ALPK2: variants seen among roughly 807,000 people sequenced by gnomAD.
The protein encoded by ALPK2 is alpha-protein kinase 2.
ALPK2 carries 127 observed loss-of-function variants against 163.1 expected under a neutral mutation model. The observed-to-expected ratio is 0.78, with a 90% CI of 0.67 to 0.90. ALPK2 has a LOEUF of 0.90. Ranked by LOEUF, ALPK2 falls within the 40% of genes least tolerant of loss-of-function variation. The pLI, the probability that ALPK2 is intolerant of heterozygous loss-of-function variation, is 0.00. For synonymous variants in ALPK2, 953 were observed against 959.1 expected, an observed-to-expected ratio of 0.99 and a Z score of 0.12; for missense variants, 2,360 against 2,589.6, an observed-to-expected ratio of 0.91 and a Z score of 1.92.
rs566231793 is a variant in ALPK2, at chr18:58,611,808, C to T, written c.-11G>A. The T allele has an allele frequency of 2.2e-5, 33 of 1,511,516 alleles. No individual in the cohort carries two copies. Among genetic ancestry groups the T allele is most frequent in the East Asian group, 1.1e-4 (5 of 43,858 alleles). The allele number at this position is 1,511,516 out of a possible 1,614,324, so 93.6% of individuals were successfully genotyped here. A position where few individuals can be genotyped will look rare whatever the true frequency, so the allele number is the denominator to read the frequency against. On this transcript the variant is annotated 5_prime_UTR_variant, in exon 2 of 13. Transcript: ENST00000361673. ...TTCGGAGTCTTTCATCCTTTCATGC[C>T]GCACCAAATCTGAAAAAAAAAAAAA...
intron 10 of ALPK2, among the ~76,000 whole-genome samples, chr18:58,512,640 G>A (rs1159715621): frequency 2.0e-5 from 3 of 151,334 alleles, no homozygotes; most frequent in Non-Finnish European, 3.0e-5. Flanking sequence ...ATGTGTATAC[G>A]TATGTGTGGT....
Position 58,483,711 on chromosome 18 carries a change from C to T in ALPK2, c.6297-1672G>A, listed in dbSNP as rs961792570. Among the ~76,000 whole-genome samples the T allele has an allele frequency of 7.5e-5, 11 of 145,870 alleles. No homozygotes were observed. In the East Asian group the frequency reaches 7.8e-4, roughly 10 times the overall value. On this transcript the variant is annotated intron_variant, in intron 12 of 12. Transcript: ENST00000361673. ...GATTACAGGCATCCACCACCACACC[C>T]GGCTAATTTTTTGTATTTTTTTTTT... is the stretch of plus-strand genomic sequence containing the variant.
chr18:58,606,949 TCTC>T (rs1216221971), intron 3 of ALPK2, among the ~76,000 whole-genome samples: 3 of 152,138 alleles, frequency 2.0e-5, no homozygotes, highest in Non-Finnish European at 4.4e-5. Flanking sequence ...GTCAGCCACT[TCTC>T]CTTCTTCCTA....
intron 4 of ALPK2, among the ~76,000 whole-genome samples, chr18:58,576,541 C>T (rs2051922765): frequency 6.6e-6 from 1 of 152,068 alleles, no homozygotes; most frequent in African/African-American, 2.4e-5. Context: ...TTTTTGTGAA[C>T]AGTATTATTT....
intron 3 of ALPK2, among the ~76,000 whole-genome samples, chr18:58,594,274 A>G (rs1289765584): frequency 6.6e-6 from 1 of 152,110 alleles, no homozygotes; most frequent in Non-Finnish European, 1.5e-5. Context: ...AAGTGGGCAA[A>G]CTGATTTCAG....
At chr18:58,501,715 G>C (rs369342468) in intron 11 of ALPK2, among the ~76,000 whole-genome samples, 2 of 152,206 alleles carry the variant, frequency 1.3e-5, no homozygotes, top group African/African-American at 4.8e-5. Context: ...AGACAATCAC[G>C]GTCTCCAGGC....
chr18:58,583,318 G>A (rs187467742), intron 3 of ALPK2, among the ~76,000 whole-genome samples: 93 of 152,192 alleles, frequency 6.1e-4, no homozygotes, highest in African/African-American at 2.0e-3. Flanking sequence ...AAAGAGAGGA[G>A]GGTATAATGA....
In ALPK2 at chr18:58,578,910, G is replaced by A; in HGVS notation, c.1866C>T (p.Val622=). ...AKTLQTSTDS[V]SKEGNTNCKG... ...TGCAATTTGTGTTGCCTTCTTTGGA[G>A]ACTGAGTCTGTTGAAGTTTGAAGGG... Residue 622 remains valine, a synonymous_variant, in exon 4 of 13, where the codon GTC becomes GTT. Transcript: ENST00000361673. 6.2e-7 allele frequency: 1 copy of A among 1,614,220 alleles called. No homozygotes were observed. Among genetic ancestry groups the A allele is most frequent in the South Asian group, 1.1e-5 (1 of 91,080 alleles).
chr18:58,594,093 A>G (rs943629199), intron 3 of ALPK2, among the ~76,000 whole-genome samples: 2 of 152,096 alleles, frequency 1.3e-5, no homozygotes, highest in African/African-American at 4.8e-5. Context: ...ACTCTTGTAC[A>G]ATAGCGAACA....
At chr18:58,504,301 G>A (rs748734127) in intron 10 of ALPK2, among the ~76,000 whole-genome samples, 153 bp from the exon 11 acceptor site, 1 of 152,194 alleles carries the variant, frequency 6.6e-6, no homozygotes, top group Non-Finnish European at 1.5e-5. Flanking sequence ...TGACTTTTTA[G>A]TGGGTAAGAT....
intron 10 of ALPK2, among the ~76,000 whole-genome samples, chr18:58,508,934 G>T (rs1205922638): frequency 1.3e-5 from 2 of 151,172 alleles, no homozygotes; most frequent in African/African-American, 4.9e-5. Context: ...TGCACAACCT[G>T]CAGGTTTGTT....
chr18:58,514,660 A>G (rs902988284), intron 10 of ALPK2, among the ~76,000 whole-genome samples: 5 of 152,286 alleles, frequency 3.3e-5, no homozygotes, highest in African/African-American at 9.6e-5. Flanking sequence ...TGTTTAGACA[A>G]TGTAATAGCT....
chr18:58,540,543 A>G (rs1404848142), intron 4 of ALPK2, among the ~76,000 whole-genome samples: 1 of 152,102 alleles, frequency 6.6e-6, no homozygotes, highest in African/African-American at 2.4e-5. Context: ...CTGGTTTGGT[A>G]TTTTGGTTCA....
At chr18:58,488,585 G>A (rs750590272) in intron 12 of ALPK2, among the ~76,000 whole-genome samples, 11 of 151,506 alleles carry the variant, frequency 7.3e-5, no homozygotes, top group Non-Finnish European at 1.2e-4. Context: ...TAAAGGAAAT[G>A]GAGACAGGCA....
intron 2 of ALPK2, 111 bp downstream of exon 2, chr18:58,611,578 A>T (rs1354724851): frequency 7.2e-5 from 69 of 962,930 alleles, no homozygotes; most frequent in Non-Finnish European, 9.2e-5. Context: ...CAGAAAAAAA[A>T]ACTTCCAAGG....
intron 9 of ALPK2, among the ~76,000 whole-genome samples, chr18:58,516,225 AG>A (rs2051520832): frequency 7.4e-6 from 1 of 135,946 alleles, no homozygotes; most frequent in African/African-American, 2.7e-5. Context: ...GTCTCAAAAA[AG>A]AAAAAAAAAA....
intron 3 of ALPK2, among the ~76,000 whole-genome samples, chr18:58,590,996 G>A (rs1482490348): frequency 6.6e-6 from 1 of 152,156 alleles, no homozygotes; most frequent in Non-Finnish European, 1.5e-5. Context: ...AGTAGATTGG[G>A]GGCTGGGAAG....
At chr18:58,612,874 C>G (rs1192276525) in intron 1 of ALPK2, among the ~76,000 whole-genome samples, 2 of 152,150 alleles carry the variant, frequency 1.3e-5, no homozygotes, top group African/African-American at 4.8e-5. Flanking sequence ...AGGCGGTTCT[C>G]CCACACCACA....
chr18:58,593,072 C>A (rs1480063970), intron 3 of ALPK2, among the ~76,000 whole-genome samples: 1 of 152,154 alleles, frequency 6.6e-6, no homozygotes, highest in East Asian at 1.9e-4. Flanking sequence ...TGTCAGGACA[C>A]CTTTGTCCAA....
Sources: allele counts gnomAD v4.1 joint callset (sites outside exome capture counted in the v4.1 genomes callset), GRCh38; gene constraint gnomAD v4.1.1; transcripts MANE v1.5; gene names NCBI Gene and HGNC (gene_info 2026-07-23, HGNC 2026-07-21).